PDE7A: variants seen among roughly 807,000 people sequenced by gnomAD.
PDE7A encodes high affinity 3',5'-cyclic-AMP phosphodiesterase 7A.
In PDE7A, 39 loss-of-function variants were observed where a neutral mutation model predicts 64.3. The observed-to-expected ratio is 0.61, with a 90% confidence interval of 0.47 to 0.79. The LOEUF (loss-of-function observed/expected upper bound fraction) is 0.79. Ranked by LOEUF, PDE7A falls within the 30% of genes least tolerant of loss-of-function variation. PDE7A has a pLI of 0.00. For synonymous variants in PDE7A, 203 were observed against 206.8 expected (o/e 0.98, Z 0.16); for missense variants, 470 against 582.8 (o/e 0.81, Z 1.99).
chr8:65,819,517 G>C (rs1810489677), intron 1 of PDE7A, among the ~76,000 whole-genome samples: 1 of 152,162 alleles, frequency 6.6e-6, no homozygotes, highest in Admixed American at 6.6e-5. Flanking sequence ...TATGGAGAAA[G>C]CTGTAATTAG....
At chr8:65,834,953 A>G (rs907237477) in intron 1 of PDE7A, among the ~76,000 whole-genome samples, 4 of 152,200 alleles carry the variant, frequency 2.6e-5, no homozygotes, top group African/African-American at 9.7e-5. Context: ...TCCTATGAAC[A>G]CTACCTGAAT....
chr8:65,840,793 T>C (rs1216528058), intron 1 of PDE7A, among the ~76,000 whole-genome samples: 1 of 152,234 alleles, frequency 6.6e-6, no homozygotes, highest in Non-Finnish European at 1.5e-5. Flanking sequence ...TTCCTGGCTA[T>C]GAACTTTGCA....
At chr8:65,784,202 G>T (rs774140794) in intron 1 of PDE7A, among the ~76,000 whole-genome samples, 3 of 151,944 alleles carry the variant, frequency 2.0e-5, no homozygotes, top group Non-Finnish European at 4.4e-5. Context: ...AAGTGAGACT[G>T]TCTCAAAAAA....
At chr8:65,771,415 GAAGA>G (rs749454378) in intron 3 of PDE7A, among the ~76,000 whole-genome samples, 1 of 151,986 alleles carries the variant, frequency 6.6e-6, no homozygotes, top group Non-Finnish European at 1.5e-5. Context: ...ACAGCACATA[GAAGA>G]AATTAAAAAA....
intron 3 of PDE7A, among the ~76,000 whole-genome samples, chr8:65,760,578 C>T (rs1808439772): frequency 6.6e-6 from 1 of 152,132 alleles, no homozygotes; most frequent in South Asian, 2.1e-4. Flanking sequence ...CCTAGAATTG[C>T]TTCCAAAATA....
At chr8:65,833,421 ATG>A in intron 1 of PDE7A, among the ~76,000 whole-genome samples, 1 of 152,324 alleles carries the variant, frequency 6.6e-6, no homozygotes, top group African/African-American at 2.4e-5. Context: ...AATCAGTCAA[ATG>A]TGTTTTCCTA....
intron 1 of PDE7A, among the ~76,000 whole-genome samples, chr8:65,797,608 T>C (rs1318226532): frequency 3.9e-5 from 6 of 152,204 alleles, no homozygotes; most frequent in South Asian, 2.1e-4. Context: ...TAGTTACTAA[T>C]ACATATGTTT....
At chr8:65,827,011 AG>A (rs1172941889) in intron 1 of PDE7A, among the ~76,000 whole-genome samples, 1 of 152,136 alleles carries the variant, frequency 6.6e-6, no homozygotes. Flanking sequence ...CATTGAATCG[AG>A]GGTCTGTCTT....
chr8:65,795,465 T>C (rs1407145754), intron 1 of PDE7A, among the ~76,000 whole-genome samples: 2 of 152,138 alleles, frequency 1.3e-5, no homozygotes, highest in African/African-American at 4.8e-5. Flanking sequence ...TTTGGCTGAA[T>C]ACTAAGCTGA....
chr8:65,840,881 A>C (rs923119164), intron 1 of PDE7A, among the ~76,000 whole-genome samples: 3 of 152,272 alleles, frequency 2.0e-5, no homozygotes, highest in Non-Finnish European at 4.4e-5. Flanking sequence ...CGGGGCATCT[A>C]GGCCTATTGT....
rs899202729 is a variant in PDE7A at position 65,810,317 on chromosome 8, G to A, written c.139-27474C>T. On this transcript the variant is annotated intron_variant, in intron 1 of 12. Coordinates refer to ENST00000401827, the MANE Select transcript of PDE7A (RefSeq NM_001242318.3). ...AACAATGAGAACACTTGGACACAGG[G>A]TGGGGAACGTGACACACCAGGGCCT... Among the ~76,000 whole-genome samples, 3 of 151,570 alleles carry A rather than the reference G, an allele frequency of 2.0e-5. No individual in the cohort carries two copies. The South Asian group carries it at 6.3e-4, about 32-fold the overall frequency.
intron 1 of PDE7A, among the ~76,000 whole-genome samples, chr8:65,836,513 G>A (rs945476817): frequency 1.3e-5 from 2 of 152,142 alleles, no homozygotes; most frequent in African/African-American, 4.8e-5. Context: ...AATTTCAAAA[G>A]ATGTTCTTAC....
rs559794853 is a variant in PDE7A, at chr8:65,717,382, A to C, written c.*1908T>G. ...TTAAAAAGGCCAATGATTGATAGAA[A>C]TAAATACAACTAGTATTTTAGTACT... On this transcript the variant is annotated 3_prime_UTR_variant, in exon 13 of 13. Coordinates refer to ENST00000401827, the MANE Select transcript of PDE7A (RefSeq NM_001242318.3). 6.6e-6 allele frequency: 1 copy of C among 152,364 alleles called. No homozygotes were observed. The highest frequency in any genetic ancestry group is 2.1e-4 in the South Asian group (1 of 4,830). The allele number at this position is 152,364 out of a possible 1,614,324, so 9.4% of individuals were successfully genotyped here. A position where few individuals can be genotyped will look rare whatever the true frequency, so the allele number is the denominator to read the frequency against.
In PDE7A at chr8:65,810,289, T is replaced by G. The variant is rs185417223; in HGVS notation, c.139-27446A>C. Among the ~76,000 whole-genome samples, 871 of 150,796 alleles carry G rather than the reference T, an allele frequency of 5.8e-3. 12 individuals carry two copies. Among genetic ancestry groups the G allele is most frequent in the African/African-American group, 0.02 (833 of 41,240 alleles). On this transcript the variant is annotated intron_variant, in intron 1 of 12. Transcript: ENST00000401827. ...GCATGTTCTCACTCATAGGTGGGAA[T>G]TGAACAATGAGAACACTTGGACACA...
intron 1 of PDE7A, among the ~76,000 whole-genome samples, chr8:65,831,022 T>C (rs1441731851): frequency 3.9e-5 from 6 of 152,092 alleles, no homozygotes. Context: ...AAAAATCCCC[T>C]CATATACATT....
chr8:65,726,063 A>AATT (rs1806595588), intron 9 of PDE7A, among the ~76,000 whole-genome samples: 2 of 152,214 alleles, frequency 1.3e-5, no homozygotes, highest in African/African-American at 4.8e-5. Flanking sequence ...AGTTGTTTTA[A>AATT]ATTATGAAAG....
At chr8:65,794,690 A>G (rs1809792044) in intron 1 of PDE7A, among the ~76,000 whole-genome samples, 1 of 152,194 alleles carries the variant, frequency 6.6e-6, no homozygotes, top group South Asian at 2.1e-4. Flanking sequence ...CACATATAAC[A>G]TTGCAAAAGA....
At chr8:65,811,180 G>A (rs1810253103) in intron 1 of PDE7A, among the ~76,000 whole-genome samples, 1 of 152,124 alleles carries the variant, frequency 6.6e-6, no homozygotes, top group African/African-American at 2.4e-5. Context: ...TTACCAGTCA[G>A]GTTCCCAGCA....
Position 65,724,810 on chromosome 8 carries a change from T to G in PDE7A, c.1032A>C (p.Leu344=). ...RSHLDRGDLC[L]EDTRHRHLVL... is the part of the protein sequence containing the mutation. ...CCAAATGTCTGTGTCTGGTGTCTTC[T>G]AGGCATAAATCACCTCTATCCAAAT... The change falls in exon 10 of 13, where the codon CTA becomes CTC. Residue 344 remains leucine (L), a synonymous_variant. Transcript: ENST00000401827. 1 of 1,611,724 alleles carries G rather than the reference T, an allele frequency of 6.2e-7. No homozygotes were observed. The highest frequency in any genetic ancestry group is 8.5e-7 in the Non-Finnish European group (1 of 1,178,586).
Sources: allele counts gnomAD v4.1 joint callset (sites outside exome capture counted in the v4.1 genomes callset), GRCh38; gene constraint gnomAD v4.1.1; transcripts MANE v1.5; gene names NCBI Gene and HGNC (gene_info 2026-07-23, HGNC 2026-07-21).